The following TREM1 variants were observed in gnomAD, a reference collection of about 807,000 sequenced individuals.
TREM1 encodes the protein triggering receptor expressed on monocytes 1.
In TREM1, 16 loss-of-function variants were observed where a neutral mutation model predicts 22.4. The observed-to-expected ratio is 0.71, with a 90% confidence interval of 0.48 to 1.08. TREM1 has a LOEUF of 1.08. Ranked by LOEUF, TREM1 falls within the 50% of genes least tolerant of loss-of-function variation. The probability of loss-of-function intolerance (pLI) is 0.00; values close to 1 mark genes in which losing one functional copy is unlikely to be tolerated. For synonymous variants in TREM1, 110 were observed against 111.6 expected (o/e 0.99, Z 0.09); for missense variants, 283 against 282.9 (o/e 1.00, Z 0.00).
chr6:41,282,023 T>TATCATTAAAAAA, intron 2 of TREM1: 1 of 228,110 alleles, frequency 4.4e-6, no homozygotes, highest in South Asian at 7.8e-5. Flanking sequence ...AGGTGGTCTG[T>TATCATTAAAAAA]GCCCACAGAA....
At chr6:41,281,498 T>G (rs1420815327) in intron 2 of TREM1, 1 of 277,634 alleles carries the variant, frequency 3.6e-6, no homozygotes, top group Non-Finnish European at 6.9e-6. Context: ...TCTTCACCAA[T>G]TCTTGTGCCC....
chr6:41,281,992 TGCATTTGAAATA>T, intron 2 of TREM1: 1 of 212,308 alleles, frequency 4.7e-6, no homozygotes, highest in Non-Finnish European at 9.6e-6. Flanking sequence ...AGTTGGAGTG[TGCATTTGAAATA>T]AGATCCCCAG....
Position 41,282,513 on chromosome 6 carries a change from C to G in TREM1, c.288G>C (p.Leu96=). 6.2e-7 allele frequency: 1 copy of G among 1,614,204 alleles called. No individual in the cohort carries two copies. ...ILEDYHDHGL[L]RVRMVNLQVE... The stretch of plus-strand genomic sequence containing the variant: ...CTTGAAGGTTGACCATTCGGACGCG[C>G]AGTAAACCATGATCATGGTAGTCTT... The change falls in exon 2 of 4, where the codon CTG becomes CTC. Residue 96 remains leucine, a synonymous_variant. Coordinates refer to ENST00000244709, the MANE Select transcript of TREM1 (RefSeq NM_018643.5).
Position 41,276,081 on chromosome 6 carries a change from G to C in TREM1, c.*44C>G, listed in dbSNP as rs1195305419. Reference sequence around the variant, plus strand: ...TCCTCCCTTGGCACAACTGCCAGATGGATGTGGCTGGAAGTCAGAGGACAT... The same window carrying C: ...TCCTCCCTTGGCACAACTGCCAGATCGATGTGGCTGGAAGTCAGAGGACAT... On this transcript the variant is annotated 3_prime_UTR_variant, in exon 4 of 4. Transcript: ENST00000244709. 4 of 1,467,238 alleles carry C rather than the reference G, an allele frequency of 2.7e-6. No individual in the cohort carries two copies. The highest frequency in any genetic ancestry group is 3.8e-6 in the Non-Finnish European group (4 of 1,046,166). 90.9% of individuals were successfully genotyped at this position (1,467,238 alleles called of 1,614,324 possible).
Position 41,282,408 on chromosome 6 carries a change from C to G in TREM1, c.393G>C (p.Leu131Phe). 1 of 1,610,330 alleles carries G rather than the reference C, an allele frequency of 6.2e-7. No homozygotes were observed. The highest frequency in any genetic ancestry group is 8.5e-7 in the Non-Finnish European group (1 of 1,177,672). Residue 131 changes from leucine to phenylalanine, a missense_variant, in exon 2 of 4, where the codon TTG becomes TTC. Transcript: ENST00000244709. ...CAGGCCACTCACCCTTGGTCACCAC[C>G]AAGCGGATGCGATCGAACAGCATGT... The part of the protein sequence containing the change: ...EPHMLFDRIR[L>F]VVTKGFSGTP...
intron 3 of TREM1, chr6:41,280,643 C>T (rs1029243204): frequency 2.9e-5 from 40 of 1,377,644 alleles, no homozygotes; most frequent in Non-Finnish European, 3.7e-5. Context: ...GAGTGCTTTC[C>T]CACTGCCCAT....
intron 3 of TREM1, among the ~76,000 whole-genome samples, chr6:41,278,252 G>T (rs1378705785): frequency 5.9e-5 from 9 of 152,028 alleles, no homozygotes; most frequent in Non-Finnish European, 1.3e-4. Context: ...AGACTTTACA[G>T]CTTGCTTCTG....
At position 41,283,717 on chromosome 6, in the gene TREM1, A is replaced by ACACAC. The variant is rs576199081; in HGVS notation, c.50-967_50-966insGTGTG. On this transcript the variant is annotated intron_variant, in intron 1 of 3. Transcript: ENST00000244709. ...ACAGGGCAAGACTCTGTTAAAAAAA[A>ACACAC]AAACACACACACACACACACACATA... Among the ~76,000 whole-genome samples the ACACAC allele has an allele frequency of 4.2e-3, 515 of 123,828 alleles. 4 individuals are homozygous for ACACAC. The highest frequency in any genetic ancestry group is 0.017 in the South Asian group (60 of 3,602). 81.2% of individuals were successfully genotyped at this position (123,828 alleles called of 152,430 possible). A position where few individuals can be genotyped will look rare whatever the true frequency, so the allele number is the denominator to read the frequency against.
chr6:41,284,602 A>G (rs1768077105), intron 1 of TREM1, among the ~76,000 whole-genome samples: 1 of 152,192 alleles, frequency 6.6e-6, no homozygotes, highest in Admixed American at 6.5e-5. Context: ...ATAACAGGCT[A>G]GACAGTGCTG....
At chr6:41,282,879 T>A in intron 1 of TREM1, 128 bp from the exon 2 acceptor site, 1 of 836,214 alleles carries the variant, frequency 1.2e-6, no homozygotes, top group Non-Finnish European at 1.9e-6. Flanking sequence ...TCTTGAGGCC[T>A]CCAGAGAAAA....
downstream of TREM1, among the ~76,000 whole-genome samples, chr6:41,268,847 C>A (rs188497863): frequency 1.6e-3 from 251 of 152,284 alleles, no homozygotes; most frequent in Non-Finnish European, 2.6e-3. Flanking sequence ...ACCTGCTTGA[C>A]CAATTGCATC....
At chr6:41,282,284 TG>T in intron 2 of TREM1, 110 bp downstream of exon 2, 1 of 833,298 alleles carries the variant, frequency 1.2e-6, no homozygotes, top group Non-Finnish European at 1.9e-6. Context: ...AAAGAGGTCC[TG>T]GGAGGAAGAC....
chr6:41,276,311 T>G, intron 3 of TREM1, 81 bp from the exon 4 acceptor site: 2 of 963,658 alleles, frequency 2.1e-6, no homozygotes, highest in Admixed American at 3.8e-5. Flanking sequence ...AATGCCTTCA[T>G]GTCCCACTCT....
rs995791154 is a variant in TREM1 at position 41,274,089 on chromosome 6, G to T, written c.*2036C>A. ...ATAATATTTCAGTCACGTTTAATAT[G>T]TTGGACTTAAATAACACTTGATCTA... On this transcript the variant is annotated 3_prime_UTR_variant, in exon 4 of 4. Transcript: ENST00000244709. Among the ~76,000 whole-genome samples, 7 of 152,214 alleles carry T rather than the reference G, an allele frequency of 4.6e-5. No homozygotes were observed. The highest frequency in any genetic ancestry group is 1.7e-4 in the African/African-American group (7 of 41,452).
intron 3 of TREM1, chr6:41,279,446 C>T (rs1767808540): frequency 2.1e-5 from 18 of 876,516 alleles, no homozygotes; most frequent in South Asian, 5.3e-5. Flanking sequence ...GCCCTCCTTC[C>T]GGTAAAAGTA....
At chr6:41,272,472 G>A (rs776773736), downstream of TREM1, among the ~76,000 whole-genome samples, 13 of 152,072 alleles carry the variant, frequency 8.5e-5, no homozygotes, top group Non-Finnish European at 1.5e-4. Flanking sequence ...ATATCACCCC[G>A]CACCATGGTT....
chr6:41,267,912 C>A (rs1767373038), downstream of TREM1: 1 of 398,454 alleles, frequency 2.5e-6, no homozygotes, highest in South Asian at 1.3e-4. Flanking sequence ...TTTTTGTTTG[C>A]TTACAGTTGA....
At chr6:41,269,069 T>C (rs1038204484), downstream of TREM1, among the ~76,000 whole-genome samples, 1 of 152,204 alleles carries the variant, frequency 6.6e-6, no homozygotes, top group Non-Finnish European at 1.5e-5. Context: ...CAGATTAGCA[T>C]ATATTCAAAT....
rs1454009909 is a variant in TREM1, at chr6:41,282,469, T to C, written c.332A>G (p.Tyr111Cys). Residue 111 changes from tyrosine (Y) to cysteine (C), a missense_variant, in exon 2 of 4, where the codon TAT becomes TGT. Transcript: ENST00000244709. ...GGGAGGCTGGTAGATCACACACTGA[T>C]ACAGTCCAGAATCTTCCACTTGAAG... Reference protein sequence around the residue: ...VNLQVEDSGLYQCVIYQPPKE... With the variant: ...VNLQVEDSGLCQCVIYQPPKE... The C allele has an allele frequency of 6.2e-7, 1 of 1,614,164 alleles. No homozygotes were observed. Among genetic ancestry groups the C allele is most frequent in the Non-Finnish European group, 8.5e-7 (1 of 1,180,038 alleles).
Sources: allele counts gnomAD v4.1 joint callset (sites outside exome capture counted in the v4.1 genomes callset), GRCh38; gene constraint gnomAD v4.1.1; transcripts MANE v1.5; gene names NCBI Gene and HGNC (gene_info 2026-07-23, HGNC 2026-07-21).